Variants in MBOAT7 observed in about 807,000 individuals in gnomAD.
The protein encoded by MBOAT7 is membrane bound acylglycerophosphatidylinositol O-acyltransferase MBOAT7.
MBOAT7 carries 40 observed loss-of-function variants against 47.4 expected under a neutral mutation model. The observed-to-expected ratio is 0.84, with a 90% CI of 0.66 to 1.10. The LOEUF (loss-of-function observed/expected upper bound fraction) is 1.10. MBOAT7 is among the 50% of genes least tolerant of loss of function. MBOAT7 has a pLI of 0.00. For missense variants in MBOAT7, 680 were observed against 655.6 expected, an observed-to-expected ratio of 1.04 and a Z score of -0.41; for synonymous variants, 361 against 292.0, an observed-to-expected ratio of 1.24 and a Z score of -2.41.
rs376751194 is a variant in MBOAT7, at chr19:54,188,371, G to A, written c.77-25C>T. 609 of 1,609,800 alleles carry A rather than the reference G, an allele frequency of 3.8e-4. 1 individual carries two copies. The highest frequency in any genetic ancestry group is 5.0e-4 in the Non-Finnish European group (591 of 1,177,926). On this transcript the variant is annotated intron_variant, in intron 2 of 7. Transcript: ENST00000245615. ...CCTGCAGGGGGAAGGGACAGCATAAGCCTGGAACCTTCCAGAGGGTCCCCC... is the reference window on the plus strand; with the variant it reads ...CCTGCAGGGGGAAGGGACAGCATAAACCTGGAACCTTCCAGAGGGTCCCCC...
rs187041252 is a variant in MBOAT7, at chr19:54,178,603, C to T, written c.1031+162G>A. On this transcript the variant is annotated intron_variant, in intron 7 of 7. Coordinates refer to ENST00000245615, the MANE Select transcript of MBOAT7 (RefSeq NM_024298.5). ...GGGGGAACGATTTTACACCGGCATG[C>T]TGCCACTATAATTAGAGGCAGGGCA... The T allele has an allele frequency of 5.8e-5, 83 of 1,430,866 alleles. No homozygotes were observed. The African/African-American group carries it at 1.1e-3, about 19-fold the overall frequency. The allele number at this position is 1,430,866 out of a possible 1,614,324, so 88.6% of individuals were successfully genotyped here. A position where few individuals can be genotyped will look rare whatever the true frequency, so the allele number is the denominator to read the frequency against.
chr19:54,178,690 C>T lies in MBOAT7; in HGVS notation c.1031+75G>A, dbSNP rs532765481. On this transcript the variant is annotated intron_variant, in intron 7 of 7. Coordinates refer to ENST00000245615, the MANE Select transcript of MBOAT7 (RefSeq NM_024298.5). ...CCGGGGGCAGGGGCCCAGCCAGGGACGCTGCAGGCTACCCTGGGGCCTGCT... is the reference window on the plus strand; with the variant it reads ...CCGGGGGCAGGGGCCCAGCCAGGGATGCTGCAGGCTACCCTGGGGCCTGCT... 1.1e-4 allele frequency: 168 copies of T among 1,557,556 alleles called. No homozygotes were observed. In the African/African-American group the frequency reaches 1.2e-3, roughly 11 times the overall value.
At chr19:54,187,768 A>G (rs2076470639) in intron 3 of MBOAT7, among the ~76,000 whole-genome samples, 1 of 152,204 alleles carries the variant, frequency 6.6e-6, no homozygotes, top group South Asian at 2.1e-4. Context: ...CTGTAATCCC[A>G]GCACTTTGGA....
At chr19:54,176,622 C>T (rs1198719113) in intron 7 of MBOAT7, among the ~76,000 whole-genome samples, 1 of 152,152 alleles carries the variant, frequency 6.6e-6, no homozygotes, top group African/African-American at 2.4e-5. Context: ...TAGCACCTTC[C>T]AGTTACAACA....
At chr19:54,178,976 T>C (rs772649927) in intron 6 of MBOAT7, 35 bp from the exon 7 acceptor site, 3 of 1,606,456 alleles carry the variant, frequency 1.9e-6, no homozygotes, top group South Asian at 2.2e-5. Context: ...GGGACAGACA[T>C]GCAGCTCAGC....
At chr19:54,186,771 G>C (rs538076447) in intron 4 of MBOAT7, among the ~76,000 whole-genome samples, 1 of 152,306 alleles carries the variant, frequency 6.6e-6, no homozygotes, top group South Asian at 2.1e-4. Context: ...TTAGGAGCCA[G>C]ACCTGGATGC....
chr19:54,188,247 C>CAGAGAA lies in MBOAT7; in HGVS notation c.175_176insTTCTCT (p.Gly59delinsValLeuTrp). ...CTGGGCCTGAATGAGGGCCCAGGTC[C>CAGAGAA]CGAGGATGGTGACCAGAGAATGCAA... On this transcript the variant is annotated protein_altering_variant, in exon 3 of 8. Transcript: ENST00000245615. 1 of 1,613,722 alleles carries CAGAGAA rather than the reference C, an allele frequency of 6.2e-7. No individual in the cohort carries two copies. The highest frequency in any genetic ancestry group is 2.2e-5 in the East Asian group (1 of 44,860).
intron 1 of MBOAT7, among the ~76,000 whole-genome samples, chr19:54,188,839 C>G (rs1041084858): frequency 1.3e-5 from 2 of 152,158 alleles, no homozygotes; most frequent in African/African-American, 4.8e-5. Context: ...CTCCCCGCAC[C>G]CATACTGGGG....
chr19:54,176,905 T>TA (rs959694584), intron 7 of MBOAT7, among the ~76,000 whole-genome samples: 3 of 148,352 alleles, frequency 2.0e-5, no homozygotes, highest in Admixed American at 6.8e-5. Flanking sequence ...TTTTAAAAAG[T>TA]AAAAAAAAAA....
intron 5 of MBOAT7, among the ~76,000 whole-genome samples, chr19:54,182,038 G>A (rs1394118126): frequency 6.7e-6 from 1 of 149,772 alleles, no homozygotes; most frequent in Non-Finnish European, 1.5e-5. Flanking sequence ...AAGGAAGGAG[G>A]GAAGGAAGGA....
At chr19:54,181,446 A>C (rs1340713848) in intron 5 of MBOAT7, among the ~76,000 whole-genome samples, 1 of 151,774 alleles carries the variant, frequency 6.6e-6, no homozygotes, top group Non-Finnish European at 1.5e-5. Flanking sequence ...GCTTGAGCCC[A>C]ACAGTTGGAC....
chr19:54,188,287 A>G lies in MBOAT7; in HGVS notation c.136T>C (p.Cys46Arg), dbSNP rs749754987. 1 of 1,613,994 alleles carries G rather than the reference A, an allele frequency of 6.2e-7. No individual in the cohort carries two copies. The highest frequency in any genetic ancestry group is 8.5e-7 in the Non-Finnish European group (1 of 1,179,962). Residue 46 changes from cysteine (C) to arginine (R), a missense_variant, in exon 3 of 8, where the codon TGT becomes CGT. Physicochemically the swap from Cys to Arg is radical, Grantham distance 180. Coordinates refer to ENST00000245615, the MANE Select transcript of MBOAT7 (RefSeq NM_024298.5). ...AVGLGLTLFT[C>R]GPHTLHSLVT... ...AGAGAATGCAAAGTGTGGGGGCCAC[A>G]GGTGAACAGGGTGAGCCCCAGGCCC... is the stretch of plus-strand genomic sequence containing the variant.
chr19:54,179,032 A>T, intron 6 of MBOAT7, 91 bp from the exon 7 acceptor site: 1 of 1,514,990 alleles, frequency 6.6e-7, no homozygotes. Flanking sequence ...CCGGATGCTA[A>T]GGAAGGGATC....
chr19:54,181,740 AGGG>A (rs2076281711), intron 5 of MBOAT7, among the ~76,000 whole-genome samples: 1 of 44,010 alleles, frequency 2.3e-5, no homozygotes, highest in African/African-American at 1.1e-4. Context: ...GGAAGGAGGG[AGGG>A]AGGGAAGGAG....
intron 2 of MBOAT7, 33 bp downstream of exon 2, chr19:54,188,400 T>C (rs1416225753): frequency 6.3e-7 from 1 of 1,583,862 alleles, no homozygotes; most frequent in Non-Finnish European, 8.6e-7. Context: ...GTCCCCCCCC[T>C]TTATTTTCCA....
At chr19:54,178,614 A>T in intron 7 of MBOAT7, 151 bp downstream of exon 7, 1 of 1,431,080 alleles carries the variant, frequency 7.0e-7, no homozygotes, top group Non-Finnish European at 9.1e-7. Context: ...TGCCACTATA[A>T]TTAGAGGCAG....
chr19:54,189,519 A>C lies in MBOAT7; in HGVS notation c.-185T>G, dbSNP rs893531371. The stretch of plus-strand genomic sequence containing the variant: ...TCAGGGCCCCGGGCGGGCAGGGAAG[A>C]AGCCCCGGAGCAGAAGCCGAGAGCG... On this transcript the variant is annotated 5_prime_UTR_variant, in exon 1 of 8. Transcript: ENST00000245615. The C allele has an allele frequency of 3.9e-5, 6 of 152,614 alleles. No homozygotes were observed. The highest frequency in any genetic ancestry group is 1.3e-4 in the Admixed American group (2 of 15,290). The allele number at this position is 152,614 out of a possible 1,614,324, so 9.5% of individuals were successfully genotyped here.
Position 54,178,762 on chromosome 19 carries a change from C to T in MBOAT7, c.1031+3G>A. On this transcript the variant is annotated splice_donor_region_variant and intron_variant, in intron 7 of 7. Coordinates refer to ENST00000245615, the MANE Select transcript of MBOAT7 (RefSeq NM_024298.5). ...TCACCTGAGACTGGGCGGGCTCACT[C>T]ACCGCAGGACATAGGAACGGGCAGG... 2.5e-6 allele frequency: 4 copies of T among 1,612,930 alleles called. No homozygotes were observed. The highest frequency in any genetic ancestry group is 3.4e-6 in the Non-Finnish European group (4 of 1,179,638).
At chr19:54,178,656 C>G in intron 7 of MBOAT7, 109 bp downstream of exon 7, 1 of 1,484,524 alleles carries the variant, frequency 6.7e-7, no homozygotes, top group Admixed American at 2.4e-5. Flanking sequence ...CTACAATTCC[C>G]ATGAGCCTCC....
Sources: allele counts gnomAD v4.1 joint callset (sites outside exome capture counted in the v4.1 genomes callset), GRCh38; gene constraint gnomAD v4.1.1; transcripts MANE v1.5; gene names NCBI Gene and HGNC (gene_info 2026-07-23, HGNC 2026-07-21).